THOC2: variants seen among roughly 807,000 people sequenced by gnomAD.
THOC2 encodes THO complex 2.
Under a neutral mutation model 128.4 loss-of-function variants are expected in THOC2, and 10 were observed. The ratio of observed to expected loss-of-function variants is 0.08; its 90% CI spans 0.05 to 0.13. The LOEUF is 0.13. THOC2 is among the 10% of genes least tolerant of loss of function. THOC2 has a pLI of 1.00. For missense variants in THOC2, 535 were observed against 1,155.7 expected (o/e 0.46, Z 7.79); for synonymous variants, 393 against 396.9 (o/e 0.99, Z 0.12).
chrX:123,607,078 A>G (rs2046499768), intron 38 of THOC2, among the ~76,000 whole-genome samples: 1 of 110,537 alleles, frequency 9.0e-6, no homozygotes, highest in Non-Finnish European at 1.9e-5. Context: ...AAGTTAAAGT[A>G]GGAAGGAAGG....
In THOC2 at chrX:123,608,517, A is replaced by G. The variant is rs189254809; in HGVS notation, c.*18+2401T>C. Among the ~76,000 whole-genome samples the G allele has an allele frequency of 3.6e-3, 394 of 110,858 alleles. 4 individuals carry two copies. Among genetic ancestry groups the G allele is most frequent in the Admixed American group, 0.034 (358 of 10,445 alleles). The stretch of plus-strand genomic sequence containing the variant: ...GGCAGGTGGATCACCTGAGGTCAGG[A>G]GTTCAAGACCAGCCTGGCCAACATG... On this transcript the variant is annotated intron_variant, in intron 38 of 38. Coordinates refer to ENST00000245838, the MANE Select transcript of THOC2 (RefSeq NM_001081550.2).
intron 15 of THOC2, among the ~76,000 whole-genome samples, chrX:123,643,114 G>A (rs2047992081): frequency 9.0e-6 from 1 of 111,456 alleles, no homozygotes; most frequent in Non-Finnish European, 1.9e-5. Context: ...TGGAAAGGGG[G>A]AAAGGAAGGT....
In THOC2 at chrX:123,624,553, G is replaced by A. The variant is rs2047192749; in HGVS notation, c.3174C>T (p.Ala1058=). ...TTATTAGTCATACCTTTTCATATGT[G>A]GCTCTATCACTATGCCACCTGGTCA... ...ETVTRWHSDR[A]TYEKECGNYP... The change falls in exon 26 of 39, where the codon GCC becomes GCT. Residue 1058 remains alanine (A), a synonymous_variant. Coordinates refer to ENST00000245838, the MANE Select transcript of THOC2 (RefSeq NM_001081550.2). 1.7e-6 allele frequency: 2 copies of A among 1,208,038 alleles called. No individual in the cohort carries two copies. Among genetic ancestry groups the A allele is most frequent in the Non-Finnish European group, 2.2e-6 (2 of 893,599 alleles).
chrX:123,729,950 C>A (rs1485897183), intron 1 of THOC2, among the ~76,000 whole-genome samples: 6 of 112,062 alleles, frequency 5.4e-5, no homozygotes, highest in Non-Finnish European at 1.1e-4. Flanking sequence ...GTCAAATAAA[C>A]TGAAACTAAG....
chrX:123,702,418 G>A (rs1376433713), intron 4 of THOC2, among the ~76,000 whole-genome samples: 1 of 108,484 alleles, frequency 9.2e-6, no homozygotes, highest in Admixed American at 1.0e-4. Flanking sequence ...TGGGCAGATC[G>A]TTTGAGCCCA....
intron 38 of THOC2, among the ~76,000 whole-genome samples, chrX:123,610,659 T>C (rs1048686613): frequency 9.0e-6 from 1 of 111,718 alleles, no homozygotes; most frequent in African/African-American, 3.3e-5. Context: ...GAATAAGTGG[T>C]GAAGAGAAAG....
At chrX:123,654,426 A>T (rs942727367) in intron 12 of THOC2, among the ~76,000 whole-genome samples, 2 of 108,122 alleles carry the variant, frequency 1.8e-5, no homozygotes, top group Non-Finnish European at 3.8e-5. Flanking sequence ...ATATATATAT[A>T]TATACACACA....
Position 123,601,307 on chromosome X carries a change from G to T in THOC2, c.*50C>A, listed in dbSNP as rs1182827118. ...ATTTACTCAGGAAAATAAATTTCTGGTCGCAGCCGAACAGTTCCAGTCCGA... is the reference window on the plus strand; with the variant it reads ...ATTTACTCAGGAAAATAAATTTCTGTTCGCAGCCGAACAGTTCCAGTCCGA... On this transcript the variant is annotated 3_prime_UTR_variant, in exon 39 of 39. Coordinates refer to ENST00000245838, the MANE Select transcript of THOC2 (RefSeq NM_001081550.2). The T allele has an allele frequency of 9.0e-6, 1 of 110,859 alleles. No homozygotes were observed. 9.1% of individuals were successfully genotyped at this position (110,859 alleles called of 1,213,427 possible). A position where few individuals can be genotyped will look rare whatever the true frequency, so the allele number is the denominator to read the frequency against.
At chrX:123,646,558 T>C (rs2048135286) in intron 12 of THOC2, among the ~76,000 whole-genome samples, 1 of 112,434 alleles carries the variant, frequency 8.9e-6, no homozygotes, top group Non-Finnish European at 1.9e-5. Context: ...ATATAATGGA[T>C]ATTACCACAG....
rs149652315 is a variant in THOC2 at position 123,649,333 on chromosome X, C to T, written c.1387-3958G>A. On this transcript the variant is annotated intron_variant, in intron 12 of 38. Coordinates refer to ENST00000245838, the MANE Select transcript of THOC2 (RefSeq NM_001081550.2). ...CGACAAAGACCAAAGGTAGATAAAT[C>T]CATGAAGATGAGAAAAAAACAGCAC... 9.4e-3 allele frequency among the ~76,000 whole-genome samples: 1,044 copies of T among 111,503 alleles called. 7 individuals carry two copies. The highest frequency in any genetic ancestry group is 0.056 in the Middle Eastern group (12 of 216).
In THOC2 at chrX:123,644,582, T is replaced by C. The variant is rs765392008; in HGVS notation, c.1654A>G (p.Ile552Val). The change falls in exon 15 of 39, where the codon ATC (isoleucine) becomes GTC (valine). Residue 552 changes from isoleucine (I) to valine (V), a missense_variant. Physicochemically the swap from Ile to Val is conservative, Grantham distance 29. This residue lies in a region of THOC2 where 197 missense variants were observed against 313.4 expected (regional missense o/e 0.63). Transcript: ENST00000245838. ...KAQTIDRAKY[I>V]MKRLTKENVK... ...AAATAAATTAAAACTTACTTCATGA[T>C]ATATTTGGCTCTGTCTATTGTTTGA... is the stretch of plus-strand genomic sequence containing the variant. 1 of 1,158,163 alleles carries C rather than the reference T, an allele frequency of 8.6e-7. No homozygotes were observed. The highest frequency in any genetic ancestry group is 2.0e-5 in the South Asian group (1 of 51,187).
chrX:123,628,837 G>T lies in THOC2; in HGVS notation c.2482-869C>A, dbSNP rs191835480. 3.6e-4 allele frequency among the ~76,000 whole-genome samples: 40 copies of T among 110,921 alleles called. No homozygotes were observed. In the East Asian group the frequency reaches 0.01, roughly 29 times the overall value. On this transcript the variant is annotated intron_variant, in intron 22 of 38. Coordinates refer to ENST00000245838, the MANE Select transcript of THOC2 (RefSeq NM_001081550.2). ...TTGCTGGGGATTCAGGGATTTCTGA[G>T]GATTTAAGACTTCAGTGCTAAAACT...
At chrX:123,705,238 G>C (rs918121664) in intron 3 of THOC2, among the ~76,000 whole-genome samples, 1 of 111,703 alleles carries the variant, frequency 9.0e-6, no homozygotes, top group African/African-American at 3.2e-5. Flanking sequence ...AAGAAGCTAT[G>C]TAAGAACCAA....
Position 123,613,678 on chromosome X carries a change from G to A in THOC2, c.4480C>T (p.Pro1494Ser), listed in dbSNP as rs960987262. ...DHSNNDREVP[P>S]DLTKRRKEEN... ...TCTTTACGTCTCTTGGTTAAGTCCG[G>A]TGGCACTTCACGGTCGTTGTTTGAG... Residue 1494 changes from proline (P) to serine (S), a missense_variant, in exon 35 of 39, where the codon CCG becomes TCG. Pro to Ser is a moderately conservative substitution (Grantham distance 74). Coordinates refer to ENST00000245838, the MANE Select transcript of THOC2 (RefSeq NM_001081550.2). The A allele has an allele frequency of 8.3e-7, 1 of 1,210,594 alleles. No individual in the cohort carries two copies. Among genetic ancestry groups the A allele is most frequent in the East Asian group, 3.0e-5 (1 of 33,830 alleles).
intron 38 of THOC2, among the ~76,000 whole-genome samples, chrX:123,605,126 G>A: frequency 8.9e-6 from 1 of 111,834 alleles, no homozygotes; most frequent in East Asian, 2.8e-4. Context: ...ATGTAACAGA[G>A]TTAAGACGTG....
chrX:123,634,089 GA>G lies in THOC2; in HGVS notation c.2019-20del. On this transcript the variant is annotated intron_variant, in intron 19 of 38. Transcript: ENST00000245838. ...GTCAAAACTATTCAAAAAGAAAAAA[GA>G]AACAGTCTATAGTTAGAACTTCAAA... The G allele has an allele frequency of 1.0e-6, 1 of 958,016 alleles. No individual in the cohort carries two copies. Among genetic ancestry groups the G allele is most frequent in the Admixed American group, 2.4e-5 (1 of 41,387 alleles). The allele number at this position is 958,016 out of a possible 1,213,427, so 79.0% of individuals were successfully genotyped here.
intron 20 of THOC2, among the ~76,000 whole-genome samples, chrX:123,633,371 T>G (rs191116265): frequency 1.8e-5 from 2 of 111,810 alleles, no homozygotes; most frequent in African/African-American, 3.3e-5. Context: ...ATAGAAGATA[T>G]AGTAATTATT....
At chrX:123,686,123 C>A (rs183874515) in intron 8 of THOC2, among the ~76,000 whole-genome samples, 19 of 112,024 alleles carry the variant, frequency 1.7e-4, no homozygotes, top group Admixed American at 9.5e-5. Flanking sequence ...CATTTCCTGT[C>A]CCTTCTTTTC....
At chrX:123,659,250 C>T (rs2048729074) in intron 12 of THOC2, among the ~76,000 whole-genome samples, 1 of 112,222 alleles carries the variant, frequency 8.9e-6, no homozygotes, top group Non-Finnish European at 1.9e-5. Flanking sequence ...GAATCAAAAA[C>T]TCCAAGGATG....
Sources: gnomAD v4.1 joint callset for allele counts (sites outside exome capture counted in the v4.1 genomes callset) on GRCh38, gnomAD v4.1.1 for gene constraint, gnomAD v4.1.1 regional missense constraint, MANE v1.5 for transcripts, NCBI Gene and HGNC (gene_info 2026-07-23, HGNC 2026-07-21) for gene names.